AFF3: variants seen among roughly 807,000 people sequenced by gnomAD.
AFF3 encodes the protein ALF transcription elongation factor 3.
AFF3 carries 32 observed loss-of-function variants against 129.7 expected under a neutral mutation model. The ratio of observed to expected loss-of-function variants is 0.25; its 90% CI spans 0.19 to 0.33. AFF3 has a LOEUF of 0.33. AFF3 is among the 10% of genes least tolerant of loss of function. The probability of loss-of-function intolerance (pLI) is 1.00; values close to 1 mark genes in which losing one functional copy is unlikely to be tolerated. For synonymous variants in AFF3, 644 were observed against 635.4 expected (o/e 1.01, Z -0.20); for missense variants, 1,373 against 1,592.0 (o/e 0.86, Z 2.34).
intron 11 of AFF3, among the ~76,000 whole-genome samples, chr2:99,693,160 A>T (rs1280635707): frequency 6.6e-6 from 1 of 152,266 alleles, no homozygotes; most frequent in Non-Finnish European, 1.5e-5. Context: ...AGAAAAAAGA[A>T]CTGGCTGATG....
chr2:99,701,846 A>G (rs143236346), intron 11 of AFF3, among the ~76,000 whole-genome samples: 67 of 152,346 alleles, frequency 4.4e-4, no homozygotes, highest in African/African-American at 1.5e-3. Context: ...AACCACAGGT[A>G]ACCACTGATC....
intron 20 of AFF3, among the ~76,000 whole-genome samples, chr2:99,560,797 T>C (rs1675397467): frequency 6.6e-6 from 1 of 152,246 alleles, no homozygotes; most frequent in African/African-American, 2.4e-5. Context: ...GGTGAAGTTC[T>C]ATCCTTCTGT....
intron 8 of AFF3, among the ~76,000 whole-genome samples, chr2:99,813,333 A>C (rs1408215514): frequency 6.6e-6 from 1 of 152,246 alleles, no homozygotes; most frequent in Non-Finnish European, 1.5e-5. Flanking sequence ...TTTTTATACC[A>C]GTTTTATTCA....
intron 8 of AFF3, among the ~76,000 whole-genome samples, chr2:99,823,134 G>A (rs1687813968): frequency 6.6e-6 from 1 of 152,070 alleles, no homozygotes; most frequent in African/African-American, 2.4e-5. Context: ...CTCTCAATCT[G>A]TAATCTGGTT....
At chr2:100,066,363 T>C (rs1687716212) in intron 4 of AFF3, among the ~76,000 whole-genome samples, 1 of 152,134 alleles carries the variant, frequency 6.6e-6, no homozygotes, top group Non-Finnish European at 1.5e-5. Flanking sequence ...TATAGACATT[T>C]GGTAATGAAC....
At chr2:99,849,189 C>T (rs1024304012) in intron 7 of AFF3, among the ~76,000 whole-genome samples, 2 of 151,958 alleles carry the variant, frequency 1.3e-5, no homozygotes, top group Admixed American at 6.6e-5. Context: ...AGAGGACTCA[C>T]CCCAGTTAGA....
chr2:100,080,154 C>T (rs1364029437), intron 4 of AFF3, among the ~76,000 whole-genome samples: 2 of 152,150 alleles, frequency 1.3e-5, no homozygotes, highest in South Asian at 2.1e-4. Context: ...ATCAGAATGG[C>T]ATGGTAGAAT....
At chr2:99,741,573 TACAA>T (rs1340584667) in intron 10 of AFF3, among the ~76,000 whole-genome samples, 1 of 152,154 alleles carries the variant, frequency 6.6e-6, no homozygotes, top group African/African-American at 2.4e-5. Context: ...TAAAAGAAGA[TACAA>T]ACAAACGGAA....
intron 11 of AFF3, among the ~76,000 whole-genome samples, chr2:99,716,260 A>G (rs1366535602): frequency 1.3e-5 from 2 of 152,162 alleles, no homozygotes; most frequent in Non-Finnish European, 2.9e-5. Flanking sequence ...TTCAGGCATT[A>G]TTTCAATTAC....
intron 4 of AFF3, among the ~76,000 whole-genome samples, chr2:100,057,976 T>C (rs1686946300): frequency 6.6e-6 from 1 of 152,152 alleles, no homozygotes; most frequent in Admixed American, 6.5e-5. Context: ...CTTGAGTAAA[T>C]CACCCTAGCT....
intron 7 of AFF3, among the ~76,000 whole-genome samples, chr2:99,860,728 GA>G (rs566175906): frequency 0.012 from 1,482 of 128,486 alleles, 16 homozygotes; most frequent in African/African-American, 0.034. Flanking sequence ...TCCGTCTCAA[GA>G]AAAAAAAAAA....
At chr2:100,055,213 A>AT (rs796279439) in intron 4 of AFF3, among the ~76,000 whole-genome samples, 1 of 151,908 alleles carries the variant, frequency 6.6e-6, no homozygotes, top group African/African-American at 2.4e-5. Flanking sequence ...AGGCCTTTAT[A>AT]TTTTTTACTA....
chr2:99,986,092 T>C (rs1313143805), intron 7 of AFF3, among the ~76,000 whole-genome samples: 1 of 151,538 alleles, frequency 6.6e-6, no homozygotes, highest in Non-Finnish European at 1.5e-5. Flanking sequence ...TCCCAGCTAT[T>C]CAGGATGCTG....
intron 7 of AFF3, among the ~76,000 whole-genome samples, chr2:99,874,818 T>C (rs1478543837): frequency 1.3e-5 from 2 of 152,186 alleles, no homozygotes; most frequent in Non-Finnish European, 2.9e-5. Flanking sequence ...TAAGAGCTTG[T>C]CCTTGTTCTT....
chr2:99,557,279 C>CTTTTTT, intron 22 of AFF3, among the ~76,000 whole-genome samples: 1 of 133,686 alleles, frequency 7.5e-6, no homozygotes, highest in African/African-American at 2.8e-5. Flanking sequence ...TTGTGTTTTC[C>CTTTTTT]TTTTTTTTTT....
intron 1 of AFF3, among the ~76,000 whole-genome samples, chr2:100,133,856 C>T (rs1458323587): frequency 6.6e-6 from 1 of 152,132 alleles, no homozygotes; most frequent in Non-Finnish European, 1.5e-5. Context: ...TGGCATGCAC[C>T]TGGGAGGCGG....
At chr2:99,922,364 T>C (rs531173606) in intron 7 of AFF3, among the ~76,000 whole-genome samples, 2 of 152,184 alleles carry the variant, frequency 1.3e-5, no homozygotes, top group African/African-American at 4.8e-5. Context: ...TTTATTTATA[T>C]AGAAGATTAC....
At chr2:100,134,035 A>G (rs1199161178) in intron 1 of AFF3, among the ~76,000 whole-genome samples, 1 of 152,230 alleles carries the variant, frequency 6.6e-6, no homozygotes, top group Non-Finnish European at 1.5e-5. Flanking sequence ...ATAGTATTTC[A>G]CTGGACTAAT....
intron 7 of AFF3, among the ~76,000 whole-genome samples, chr2:99,893,250 C>A (rs556235092): frequency 2.0e-5 from 3 of 152,332 alleles, no homozygotes; most frequent in Admixed American, 2.0e-4. Flanking sequence ...CCTTCCACAA[C>A]AGGAATATAT....
Sources: allele counts gnomAD v4.1 joint callset (sites outside exome capture counted in the v4.1 genomes callset), GRCh38; gene constraint gnomAD v4.1.1; transcripts MANE v1.5; gene names NCBI Gene and HGNC (gene_info 2026-07-23, HGNC 2026-07-21).